Variants in ZNF280D observed in about 807,000 individuals in gnomAD.
The protein encoded by ZNF280D is zinc finger protein 280D.
In ZNF280D, 39 loss-of-function variants were observed where a neutral mutation model predicts 94.7. That is an observed-to-expected ratio of 0.41 (90% CI 0.32 to 0.54). ZNF280D has a LOEUF of 0.54. ZNF280D is among the 20% of genes least tolerant of loss of function. The pLI, the probability that ZNF280D is intolerant of heterozygous loss-of-function variation, is 0.22. For missense variants in ZNF280D, 1,090 were observed against 1,149.3 expected, an observed-to-expected ratio of 0.95 and a Z score of 0.75; for synonymous variants, 398 against 377.6, an observed-to-expected ratio of 1.05 and a Z score of -0.63.
At chr15:56,660,197 A>G (rs1429999034) in intron 16 of ZNF280D, among the ~76,000 whole-genome samples, 1 of 152,140 alleles carries the variant, frequency 6.6e-6, no homozygotes, top group Non-Finnish European at 1.5e-5. Flanking sequence ...TAAGTCCAAG[A>G]TTTTGTTTGA....
chr15:56,687,698 A>C (rs1255125651), intron 9 of ZNF280D, among the ~76,000 whole-genome samples: 4 of 152,186 alleles, frequency 2.6e-5, no homozygotes, highest in Admixed American at 6.5e-5. Flanking sequence ...AACACAAAAA[A>C]CATCAGAAAT....
intron 1 of ZNF280D, among the ~76,000 whole-genome samples, chr15:56,732,406 T>C (rs1318285061): frequency 1.3e-5 from 2 of 152,322 alleles, no homozygotes; most frequent in Non-Finnish European, 2.9e-5. Context: ...AACCAGTGCC[T>C]TCCCTGGTTA....
chr15:56,733,436 G>C, intron 1 of ZNF280D, 22 bp downstream of exon 1: 1 of 1,056,952 alleles, frequency 9.5e-7, no homozygotes, highest in Non-Finnish European at 1.1e-6. Context: ...CGCAGGGCGG[G>C]CGGGGGCGGG....
At chr15:56,646,995 G>A (rs1487957146) in intron 19 of ZNF280D, among the ~76,000 whole-genome samples, 1 of 152,188 alleles carries the variant, frequency 6.6e-6, no homozygotes, top group Admixed American at 6.5e-5. Context: ...TCACTGAAAT[G>A]TCAGGCACAA....
intron 1 of ZNF280D, chr15:56,733,031 A>G (rs1453892993): frequency 9.8e-5 from 15 of 152,422 alleles, no homozygotes; most frequent in African/African-American, 3.6e-4. Flanking sequence ...ACGACTGAAG[A>G]GACACGGGGG....
chr15:56,667,017 G>A, intron 14 of ZNF280D, 31 bp from the exon 15 acceptor site: 1 of 1,475,932 alleles, frequency 6.8e-7, no homozygotes. Flanking sequence ...TTTGCTTTAA[G>A]AGATTAATCA....
chr15:56,683,659 T>C (rs1446412206), intron 9 of ZNF280D, among the ~76,000 whole-genome samples: 1 of 152,164 alleles, frequency 6.6e-6, no homozygotes, highest in Non-Finnish European at 1.5e-5. Flanking sequence ...CCTAAAAATT[T>C]AGGTGGGTTT....
chr15:56,668,936 T>A lies in ZNF280D; in HGVS notation c.1432A>T (p.Thr478Ser). 1 of 1,610,588 alleles carries A rather than the reference T, an allele frequency of 6.2e-7. No individual in the cohort carries two copies. The highest frequency in any genetic ancestry group is 2.2e-5 in the East Asian group (1 of 44,698). ...KHQKKGIHRCTKCRLQFLTCK... is the reference protein window; with the variant it reads ...KHQKKGIHRCSKCRLQFLTCK... ...GTCAAAAACTGCAGCCTGCATTTTGTACAACGATGTATTCCTTTTTTCTGT... is the reference window on the plus strand; with the variant it reads ...GTCAAAAACTGCAGCCTGCATTTTGAACAACGATGTATTCCTTTTTTCTGT... Residue 478 changes from threonine to serine, a missense_variant, in exon 14 of 22, where the codon ACA (threonine) becomes TCA (serine). Thr to Ser is a moderately conservative substitution (Grantham distance 58). Transcript: ENST00000267807.
chr15:56,705,077 G>C (rs1026445591), intron 3 of ZNF280D, among the ~76,000 whole-genome samples: 1 of 152,038 alleles, frequency 6.6e-6, no homozygotes, highest in Non-Finnish European at 1.5e-5. Context: ...TAAAGGCAAA[G>C]TAGATATTTC....
chr15:56,704,504 G>A (rs564352954), intron 3 of ZNF280D, among the ~76,000 whole-genome samples: 2 of 152,180 alleles, frequency 1.3e-5, no homozygotes, highest in South Asian at 2.1e-4. Context: ...ATTTACCGTA[G>A]ACAGAAAATT....
chr15:56,644,391 G>C (rs1336549487), intron 19 of ZNF280D, among the ~76,000 whole-genome samples: 1 of 152,000 alleles, frequency 6.6e-6, no homozygotes, highest in African/African-American at 2.4e-5. Flanking sequence ...AATAAAATTA[G>C]TTATGAAGTA....
At chr15:56,722,330 A>G (rs1345139644) in intron 1 of ZNF280D, among the ~76,000 whole-genome samples, 2 of 152,234 alleles carry the variant, frequency 1.3e-5, no homozygotes, top group African/African-American at 2.4e-5. Flanking sequence ...AATGGCTGAG[A>G]TAGACTTGCT....
At chr15:56,669,947 TATTA>T (rs1296103797) in intron 13 of ZNF280D, among the ~76,000 whole-genome samples, 4 of 4,518 alleles carry the variant, frequency 8.9e-4, no homozygotes, top group African/African-American at 1.6e-3. Flanking sequence ...TATATATATA[TATTA>T]TATATATATA....
intron 8 of ZNF280D, 50 bp from the exon 9 acceptor site, chr15:56,689,200 C>T: frequency 6.4e-7 from 1 of 1,565,980 alleles, no homozygotes; most frequent in Non-Finnish European, 8.7e-7. Flanking sequence ...ACTTTTTAAC[C>T]TTAAATAACC....
chr15:56,651,250 G>T (rs2053185872), intron 19 of ZNF280D, among the ~76,000 whole-genome samples: 1 of 152,148 alleles, frequency 6.6e-6, no homozygotes, highest in African/African-American at 2.4e-5. Flanking sequence ...TTCTAAGAAT[G>T]ATGATGGACT....
intron 1 of ZNF280D, among the ~76,000 whole-genome samples, chr15:56,731,451 G>A (rs1596734061): frequency 7.1e-6 from 1 of 140,208 alleles, no homozygotes; most frequent in Non-Finnish European, 1.5e-5. Context: ...AGGATGCAGC[G>A]AGCCAAGACT....
At chr15:56,648,649 C>T (rs2140622903) in intron 19 of ZNF280D, among the ~76,000 whole-genome samples, 1 of 152,204 alleles carries the variant, frequency 6.6e-6, no homozygotes, top group East Asian at 1.9e-4. Flanking sequence ...GTTGTCTCAT[C>T]CATAAAATCA....
chr15:56,708,459 C>A (rs1410970022), intron 1 of ZNF280D, among the ~76,000 whole-genome samples: 1 of 152,118 alleles, frequency 6.6e-6, no homozygotes, highest in South Asian at 2.1e-4. Context: ...CTTATCAATA[C>A]CAGGAACACG....
rs1596559893 is a variant in ZNF280D, at chr15:56,701,156, G to A, written c.241+17C>T. 1 of 1,597,744 alleles carries A rather than the reference G, an allele frequency of 6.3e-7. No homozygotes were observed. Among genetic ancestry groups the A allele is most frequent in the Admixed American group, 1.7e-5 (1 of 59,448 alleles). ...AATACTTCACTTTAAAATTAAAATAGTATAATAATACTGTACCTCGACTGA... is the reference window on the plus strand; with the variant it reads ...AATACTTCACTTTAAAATTAAAATAATATAATAATACTGTACCTCGACTGA... On this transcript the variant is annotated intron_variant, in intron 5 of 21. Transcript: ENST00000267807.
Sources: allele counts gnomAD v4.1 joint callset (sites outside exome capture counted in the v4.1 genomes callset), GRCh38; gene constraint gnomAD v4.1.1; transcripts MANE v1.5; gene names NCBI Gene and HGNC (gene_info 2026-07-23, HGNC 2026-07-21).